NPAS3: variants seen among roughly 807,000 people sequenced by gnomAD.
The protein encoded by NPAS3 is neuronal PAS domain protein 3, also known as neuronal PAS domain-containing protein 3.
Under a neutral mutation model 73.1 loss-of-function variants are expected in NPAS3, and 14 were observed. That is an observed-to-expected ratio of 0.19 (90% CI 0.13 to 0.30). The LOEUF is 0.30. NPAS3 is among the 10% of genes least tolerant of loss of function. The probability of loss-of-function intolerance (pLI) is 1.00; values close to 1 mark genes in which losing one functional copy is unlikely to be tolerated. For missense variants in NPAS3, 1,096 were observed against 1,250.0 expected (o/e 0.88, Z 1.86); for synonymous variants, 620 against 541.5 (o/e 1.14, Z -2.01).
chr14:33,466,799 A>G (rs1362428555), intron 4 of NPAS3, among the ~76,000 whole-genome samples: 1 of 152,076 alleles, frequency 6.6e-6, no homozygotes, highest in Non-Finnish European at 1.5e-5. Flanking sequence ...CTCACTATAC[A>G]CTACCAAGGG....
At chr14:33,728,002 G>T (rs2061315018) in intron 6 of NPAS3, among the ~76,000 whole-genome samples, 1 of 152,110 alleles carries the variant, frequency 6.6e-6, no homozygotes, top group South Asian at 2.1e-4. Flanking sequence ...TTTCCCCCTT[G>T]AACTTTCCCG....
intron 4 of NPAS3, among the ~76,000 whole-genome samples, chr14:33,468,671 G>T (rs1202764950): frequency 1.3e-5 from 2 of 152,066 alleles, no homozygotes; most frequent in Non-Finnish European, 2.9e-5. Flanking sequence ...ACAAAGTATT[G>T]TTAAAAGTAC....
intron 7 of NPAS3, among the ~76,000 whole-genome samples, chr14:33,763,121 T>G (rs2062349605): frequency 6.6e-6 from 1 of 152,204 alleles, no homozygotes; most frequent in Non-Finnish European, 1.5e-5. Flanking sequence ...GCTTCTTTAA[T>G]GTGGAAGGGT....
Position 33,365,201 on chromosome 14 carries a change from C to CAAAAAAAAAA in NPAS3, c.386-1973_386-1964dup, listed in dbSNP as rs371230319. ...CAAAAGCCACCCACCCCCATAATCT[C>CAAAAAAAAAA]AAAAAAAAAAAAAAAAAAAAAGGCT... On this transcript the variant is annotated intron_variant, in intron 3 of 11. Transcript: ENST00000356141. Among the ~76,000 whole-genome samples the CAAAAAAAAAA allele has an allele frequency of 4.2e-4, 19 of 45,068 alleles. 4 individuals are homozygous for CAAAAAAAAAA. The highest frequency in any genetic ancestry group is 1.4e-3 in the African/African-American group (13 of 9,328). The allele number at this position is 45,068 out of a possible 152,430, so 29.6% of individuals were successfully genotyped here. A position where few individuals can be genotyped will look rare whatever the true frequency, so the allele number is the denominator to read the frequency against.
intron 6 of NPAS3, among the ~76,000 whole-genome samples, chr14:33,692,483 A>G (rs906751225): frequency 5.3e-5 from 8 of 152,078 alleles, no homozygotes. Context: ...TAAACTATTG[A>G]GTTATTCATT....
At position 33,172,113 on chromosome 14, in the gene NPAS3, C is replaced by T. The variant is rs1244555344; in HGVS notation, c.141-43069C>T. Among the ~76,000 whole-genome samples the T allele has an allele frequency of 1.3e-5, 2 of 152,126 alleles. 1 individual carries two copies. The highest frequency in any genetic ancestry group is 4.8e-5 in the African/African-American group (2 of 41,408). ...GTGACATCAAAGATCACTGATCACCCACCACATAACAGATATAATAATAAT... is the reference window on the plus strand; with the variant it reads ...GTGACATCAAAGATCACTGATCACCTACCACATAACAGATATAATAATAAT... On this transcript the variant is annotated intron_variant, in intron 2 of 11. Coordinates refer to ENST00000356141, the Ensembl canonical transcript of NPAS3.
intron 3 of NPAS3, among the ~76,000 whole-genome samples, chr14:33,248,172 CA>C (rs1212306386): frequency 6.6e-6 from 1 of 152,196 alleles, no homozygotes; most frequent in Non-Finnish European, 1.5e-5. Context: ...TTATGAGAAT[CA>C]TAACAGATAA....
intron 5 of NPAS3, among the ~76,000 whole-genome samples, chr14:33,580,019 T>G (rs894957662): frequency 2.6e-5 from 4 of 152,238 alleles, no homozygotes; most frequent in African/African-American, 7.2e-5. Flanking sequence ...ACAAGCCATT[T>G]TATGAACATA....
chr14:33,314,716 G>A (rs572835293), intron 3 of NPAS3, among the ~76,000 whole-genome samples: 174 of 152,044 alleles, frequency 1.1e-3, no homozygotes, highest in Non-Finnish European at 1.9e-3. Context: ...CCAGTTTCAC[G>A]ACAATTTGAA....
At chr14:33,665,012 T>C (rs1175082979) in intron 5 of NPAS3, among the ~76,000 whole-genome samples, 3 of 152,222 alleles carry the variant, frequency 2.0e-5, no homozygotes, top group Non-Finnish European at 2.9e-5. Context: ...ACTGGGTATA[T>C]ACCCAGAGGA....
intron 4 of NPAS3, among the ~76,000 whole-genome samples, chr14:33,501,473 A>G (rs2052510735): frequency 6.6e-6 from 1 of 151,886 alleles, no homozygotes; most frequent in Admixed American, 6.6e-5. Flanking sequence ...TCTACTAAAT[A>G]TTGGCCACTC....
At chr14:32,996,551 A>G (rs1198451582) in intron 1 of NPAS3, among the ~76,000 whole-genome samples, 1 of 152,056 alleles carries the variant, frequency 6.6e-6, no homozygotes, top group Non-Finnish European at 1.5e-5. Context: ...CAGCCTTGGG[A>G]TGTGGTGCCC....
chr14:33,726,760 A>G (rs957446200), intron 6 of NPAS3, among the ~76,000 whole-genome samples: 3 of 152,244 alleles, frequency 2.0e-5, no homozygotes, highest in Non-Finnish European at 2.9e-5. Context: ...AGTGAGCTAT[A>G]GTAAAACATT....
intron 5 of NPAS3, among the ~76,000 whole-genome samples, chr14:33,618,120 T>C (rs1307943597): frequency 6.6e-6 from 1 of 152,290 alleles, no homozygotes; most frequent in African/African-American, 2.4e-5. Context: ...GTATCAAATC[T>C]TGTTCTGTAC....
At chr14:33,640,662 G>A (rs1003026137) in intron 5 of NPAS3, among the ~76,000 whole-genome samples, 2 of 152,076 alleles carry the variant, frequency 1.3e-5, no homozygotes, top group African/African-American at 2.4e-5. Flanking sequence ...CAATTGCAGC[G>A]GTCTACCAAG....
At chr14:33,061,182 C>T (rs979934910) in intron 2 of NPAS3, among the ~76,000 whole-genome samples, 1 of 152,118 alleles carries the variant, frequency 6.6e-6, no homozygotes, top group Non-Finnish European at 1.5e-5. Context: ...AGGATGGTCA[C>T]CTATGCTGAA....
chr14:33,395,085 A>T (rs903123574), intron 4 of NPAS3, among the ~76,000 whole-genome samples: 1 of 152,196 alleles, frequency 6.6e-6, no homozygotes, highest in Admixed American at 6.5e-5. Context: ...CACTGCAGTA[A>T]GAGAATTGCA....
chr14:33,233,189 G>C (rs2047914469), intron 3 of NPAS3, among the ~76,000 whole-genome samples: 2 of 152,084 alleles, frequency 1.3e-5, no homozygotes, highest in Non-Finnish European at 2.9e-5. Flanking sequence ...CTTAGTTTGA[G>C]TAAAGACCAC....
At chr14:33,085,622 C>CT (rs954495484) in intron 2 of NPAS3, among the ~76,000 whole-genome samples, 1 of 151,692 alleles carries the variant, frequency 6.6e-6, no homozygotes, top group Non-Finnish European at 1.5e-5. Flanking sequence ...CCCCAACACA[C>CT]TTTTTTTTTC....
Sources: allele counts gnomAD v4.1 joint callset (sites outside exome capture counted in the v4.1 genomes callset), GRCh38; gene constraint gnomAD v4.1.1; transcripts MANE v1.5; gene names NCBI Gene and HGNC (gene_info 2026-07-23, HGNC 2026-07-21).